Variants in DNAAF9 observed in about 807,000 individuals in gnomAD.
DNAAF9 encodes the protein dynein axonemal assembly factor 9, also known as shulin.
DNAAF9 carries 90 observed loss-of-function variants against 167.0 expected under a neutral mutation model. The ratio of observed to expected loss-of-function variants is 0.54; its 90% CI spans 0.45 to 0.64. The LOEUF (loss-of-function observed/expected upper bound fraction) is 0.64, where lower values mean the gene tolerates loss of function less well. DNAAF9 is among the 30% of genes least tolerant of loss of function. The pLI, the probability that DNAAF9 is intolerant of heterozygous loss-of-function variation, is 0.00. For synonymous variants in DNAAF9, 491 were observed against 508.8 expected, an observed-to-expected ratio of 0.96 and a Z score of 0.47; for missense variants, 1,315 against 1,442.2, an observed-to-expected ratio of 0.91 and a Z score of 1.43.
At position 3,389,882 on chromosome 20, in the gene DNAAF9, A is replaced by C. The variant is rs372885624; in HGVS notation, c.84-7376T>G. On this transcript the variant is annotated intron_variant, in intron 1 of 36. Coordinates refer to ENST00000252032, the MANE Select transcript of DNAAF9 (RefSeq NM_001009984.3). ...AAAACCCTGTCTCTACTGAAAATACAAAAATTAGCCTGGCGTGATGGCGTG... is the reference window on the plus strand; with the variant it reads ...AAAACCCTGTCTCTACTGAAAATACCAAAATTAGCCTGGCGTGATGGCGTG... Among the ~76,000 whole-genome samples the C allele has an allele frequency of 2.8e-3, 421 of 152,292 alleles. 1 individual carries two copies. The highest frequency in any genetic ancestry group is 9.5e-3 in the African/African-American group (396 of 41,566).
chr20:3,367,307 T>C (rs941611156), intron 6 of DNAAF9, among the ~76,000 whole-genome samples: 7 of 152,244 alleles, frequency 4.6e-5, no homozygotes, highest in Non-Finnish European at 1.0e-4. Flanking sequence ...TCCAGACCAC[T>C]CAAAGTTTCT....
intron 9 of DNAAF9, among the ~76,000 whole-genome samples, chr20:3,342,159 A>G (rs531273445): frequency 1.3e-5 from 2 of 152,256 alleles, no homozygotes; most frequent in South Asian, 4.1e-4. Flanking sequence ...AGCTCCATAG[A>G]AGGCCACTCA....
chr20:3,315,798 G>T lies in DNAAF9; in HGVS notation c.1540-13C>A. Reference sequence around the variant, plus strand: ...CATTATCTTCCACCTGTGTCCAAAAGGAATGCAGATTTTCAGTCAACTACT... The same window carrying T: ...CATTATCTTCCACCTGTGTCCAAAATGAATGCAGATTTTCAGTCAACTACT... On this transcript the variant is annotated splice_polypyrimidine_tract_variant and intron_variant, in intron 18 of 36. Transcript: ENST00000252032. The surrounding 1 kb of genome is among the most constrained non-coding windows in gnomAD (Gnocchi z 4.1). 1 of 1,611,138 alleles carries T rather than the reference G, an allele frequency of 6.2e-7. No individual in the cohort carries two copies. Among genetic ancestry groups the T allele is most frequent in the Non-Finnish European group, 8.5e-7 (1 of 1,177,272 alleles).
At chr20:3,344,143 T>G (rs908402455) in intron 8 of DNAAF9, among the ~76,000 whole-genome samples, 1 of 152,204 alleles carries the variant, frequency 6.6e-6, no homozygotes, top group South Asian at 2.1e-4. Flanking sequence ...TTTAAAAAAA[T>G]GTCTTCTACA....
intron 7 of DNAAF9, among the ~76,000 whole-genome samples, chr20:3,358,438 T>C (rs1298464904): frequency 1.3e-5 from 2 of 151,970 alleles, no homozygotes; most frequent in African/African-American, 4.8e-5. Context: ...CGCGTGCCAT[T>C]GTGCCTGGCT....
At chr20:3,331,361 CAG>C (rs1367904541) in intron 11 of DNAAF9, among the ~76,000 whole-genome samples, 1 of 151,252 alleles carries the variant, frequency 6.6e-6, no homozygotes, top group Non-Finnish European at 1.5e-5. Context: ...TGCTTCTTTC[CAG>C]AGTTTCCTGG....
intron 7 of DNAAF9, 95 bp downstream of exon 7, chr20:3,359,421 A>G: frequency 1.2e-6 from 1 of 857,160 alleles, no homozygotes; most frequent in Admixed American, 2.4e-5. Context: ...AAGCAAACTA[A>G]AATATCCTTT....
In DNAAF9 at chr20:3,315,895, C is replaced by T; in HGVS notation, c.1540-110G>A. On this transcript the variant is annotated intron_variant, in intron 18 of 36. Coordinates refer to ENST00000252032, the MANE Select transcript of DNAAF9 (RefSeq NM_001009984.3). The surrounding 1 kb of genome is among the most constrained non-coding windows in gnomAD (Gnocchi z 4.1). ...CAGGACACTGGCTGGACAGTCCTTC[C>T]ACCATGTCCATGTCCAGTGCTCTCA... is the stretch of plus-strand genomic sequence containing the variant. 1.2e-6 allele frequency: 1 copy of T among 853,724 alleles called. No homozygotes were observed. The highest frequency in any genetic ancestry group is 1.4e-5 in the South Asian group (1 of 73,796). The allele number at this position is 853,724 out of a possible 1,614,324, so 52.9% of individuals were successfully genotyped here. A position where few individuals can be genotyped will look rare whatever the true frequency, so the allele number is the denominator to read the frequency against.
In DNAAF9 at chr20:3,294,723, A is replaced by T. The variant is rs2281505; in HGVS notation, c.2019-94T>A. On this transcript the variant is annotated intron_variant, in intron 23 of 36. Coordinates refer to ENST00000252032, the MANE Select transcript of DNAAF9 (RefSeq NM_001009984.3). ...CCTGATGCTTTCAAGCCAGAGTCCAATGACAGAGTCAACTCTTCCAAAACA... is the reference window on the plus strand; with the variant it reads ...CCTGATGCTTTCAAGCCAGAGTCCATTGACAGAGTCAACTCTTCCAAAACA... 4.0e-4 allele frequency: 314 copies of T among 787,286 alleles called. 1 individual carries two copies. In the East Asian group the frequency reaches 7.9e-3, roughly 20 times the overall value. The allele number at this position is 787,286 out of a possible 1,614,324, so 48.8% of individuals were successfully genotyped here. A position where few individuals can be genotyped will look rare whatever the true frequency, so the allele number is the denominator to read the frequency against.
chr20:3,258,027 C>A (rs985375582), intron 33 of DNAAF9, among the ~76,000 whole-genome samples: 5 of 93,218 alleles, frequency 5.4e-5, no homozygotes, highest in Admixed American at 9.6e-5. Flanking sequence ...CCGAGCCTGG[C>A]CTAATTTTTT....
chr20:3,302,291 G>A (rs761816912), intron 21 of DNAAF9, among the ~76,000 whole-genome samples: 10 of 151,530 alleles, frequency 6.6e-5, no homozygotes, highest in South Asian at 2.1e-4. Flanking sequence ...ATATTTATGG[G>A]GTATAATATA....
chr20:3,302,909 A>C (rs1187917896), intron 21 of DNAAF9, among the ~76,000 whole-genome samples: 1 of 152,188 alleles, frequency 6.6e-6, no homozygotes, highest in Non-Finnish European at 1.5e-5. Context: ...AGTATACTTT[A>C]ATAAGTTAAA....
At position 3,272,610 on chromosome 20, in the gene DNAAF9, GC is replaced by G. The variant is rs544938995; in HGVS notation, c.2651-2049del. Among the ~76,000 whole-genome samples the G allele has an allele frequency of 1.2e-4, 19 of 152,198 alleles. No homozygotes were observed. In the South Asian group the frequency reaches 3.9e-3, roughly 32 times the overall value. ...TAACCCTTTATAACTTGATTTAATA[GC>G]TTTAAACTTTATCAATCTCCCATTC... On this transcript the variant is annotated intron_variant, in intron 29 of 36. Transcript: ENST00000252032.
chr20:3,361,580 A>C (rs1014995810), intron 6 of DNAAF9, among the ~76,000 whole-genome samples: 2 of 152,210 alleles, frequency 1.3e-5, no homozygotes, highest in Non-Finnish European at 2.9e-5. Context: ...CAGTTGAGTT[A>C]GATGTGCCCC....
chr20:3,371,501 G>T (rs1240668842), intron 6 of DNAAF9, among the ~76,000 whole-genome samples: 1 of 151,532 alleles, frequency 6.6e-6, no homozygotes, highest in African/African-American at 2.4e-5. Context: ...CTGCCACCAC[G>T]CCCGGCTAAT....
intron 6 of DNAAF9, among the ~76,000 whole-genome samples, chr20:3,359,861 T>C (rs1466066760): frequency 6.6e-6 from 1 of 152,230 alleles, no homozygotes; most frequent in African/African-American, 2.4e-5. Context: ...CATACAGACT[T>C]GTGTATATTG....
intron 3 of DNAAF9, among the ~76,000 whole-genome samples, chr20:3,378,021 C>T (rs2083598757): frequency 6.6e-6 from 1 of 152,178 alleles, no homozygotes; most frequent in Admixed American, 6.5e-5. Flanking sequence ...AACAATACTC[C>T]CCCTACCATG....
rs1461629151 is a variant in DNAAF9, at chr20:3,353,644, C to A, written c.691-5021G>T. Among the ~76,000 whole-genome samples, 6 of 132,648 alleles carry A rather than the reference C, an allele frequency of 4.5e-5. 1 individual carries two copies. Among genetic ancestry groups the A allele is most frequent in the African/African-American group, 8.3e-5 (3 of 36,344 alleles). 87.0% of individuals were successfully genotyped at this position (132,648 alleles called of 152,430 possible). The stretch of plus-strand genomic sequence containing the variant: ...CCCTGTCCCCCCGCACCACCCCCCC[C>A]CCCGCAAAAAAAAAGGCTATTAATA... On this transcript the variant is annotated intron_variant, in intron 7 of 36. Transcript: ENST00000252032.
chr20:3,270,812 CT>C (rs11297850), intron 29 of DNAAF9, among the ~76,000 whole-genome samples: 76,474 of 138,382 alleles, frequency 0.55, 20,833 homozygotes, highest in Admixed American at 0.59. Context: ...CTTCCTCTAT[CT>C]TTTTTTTTTT....
Sources: gnomAD v4.1 joint callset for allele counts (sites outside exome capture counted in the v4.1 genomes callset) on GRCh38, gnomAD v4.1.1 for gene constraint, Gnocchi (gnomAD v3.1) non-coding constraint, MANE v1.5 for transcripts, NCBI Gene and HGNC (gene_info 2026-07-23, HGNC 2026-07-21) for gene names.